KCNH5: variants seen among roughly 807,000 people sequenced by gnomAD.
The protein encoded by KCNH5 is voltage-gated delayed rectifier potassium channel KCNH5.
In KCNH5, 46 loss-of-function variants were observed where a neutral mutation model predicts 96.1. The observed-to-expected ratio is 0.48, with a 90% CI of 0.38 to 0.61. The LOEUF is 0.61. KCNH5 is among the 20% of genes least tolerant of loss of function. KCNH5 has a pLI of 0.00. For synonymous variants in KCNH5, 439 were observed against 449.8 expected (o/e 0.98, Z 0.30); for missense variants, 907 against 1,225.8 (o/e 0.74, Z 3.88).
rs538051994 is a variant in KCNH5, at chr14:62,771,494, A to G, written c.2019+8234T>C. Among the ~76,000 whole-genome samples the G allele has an allele frequency of 5.7e-4, 86 of 152,166 alleles. No individual in the cohort carries two copies. The South Asian group carries it at 0.01, about 18-fold the overall frequency. On this transcript the variant is annotated intron_variant, in intron 10 of 10. Coordinates refer to ENST00000322893, the MANE Select transcript of KCNH5 (RefSeq NM_139318.5). ...CAAAAAATTAGCCGGGCATGGTGGC[A>G]GGCGCCTGTAGTCCCAGCTACTCGG... is the stretch of plus-strand genomic sequence containing the variant.
intron 8 of KCNH5, among the ~76,000 whole-genome samples, chr14:62,843,505 G>A (rs1007679617): frequency 2.0e-5 from 3 of 147,542 alleles, no homozygotes; most frequent in African/African-American, 5.0e-5. Context: ...TCCTCCTCCC[G>A]GGTTCAAGCA....
intron 7 of KCNH5, among the ~76,000 whole-genome samples, chr14:62,881,752 G>T (rs542806272): frequency 6.8e-5 from 10 of 146,852 alleles, no homozygotes; most frequent in African/African-American, 1.9e-4. Flanking sequence ...ATATTTTACA[G>T]ACCCAGACGA....
intron 7 of KCNH5, among the ~76,000 whole-genome samples, chr14:62,871,762 A>G (rs924442466): frequency 1.3e-5 from 2 of 152,234 alleles, no homozygotes; most frequent in Non-Finnish European, 2.9e-5. Flanking sequence ...TTCCATGTGC[A>G]TCAGTGTGTA....
chr14:62,955,551 C>T (rs1380919590), intron 6 of KCNH5, among the ~76,000 whole-genome samples: 1 of 152,198 alleles, frequency 6.6e-6, no homozygotes, highest in East Asian at 1.9e-4. Context: ...GATTCACATT[C>T]AGGCAGTCTG....
chr14:62,877,398 T>C (rs1888396712), intron 7 of KCNH5, among the ~76,000 whole-genome samples: 1 of 151,442 alleles, frequency 6.6e-6, no homozygotes. Flanking sequence ...ACCATCAGAG[T>C]GAACAGGCAA....
chr14:62,959,588 AC>A (rs1890168110), intron 6 of KCNH5, among the ~76,000 whole-genome samples: 1 of 152,114 alleles, frequency 6.6e-6, no homozygotes, highest in Non-Finnish European at 1.5e-5. Context: ...ATATAAAAAA[AC>A]AGATTGTTTG....
At chr14:62,884,140 A>G (rs1408285511) in intron 7 of KCNH5, among the ~76,000 whole-genome samples, 1 of 152,178 alleles carries the variant, frequency 6.6e-6, no homozygotes, top group Admixed American at 6.5e-5. Context: ...TATTTTTCTT[A>G]GTGAAATTAT....
At chr14:63,030,442 C>T (rs1891603853) in intron 1 of KCNH5, among the ~76,000 whole-genome samples, 1 of 152,158 alleles carries the variant, frequency 6.6e-6, no homozygotes, top group Non-Finnish European at 1.5e-5. Context: ...TAAAATAAAA[C>T]AAGCACTTTT....
In KCNH5 at chr14:62,808,196, TA is replaced by T. The variant is rs1886807121; in HGVS notation, c.1570-5616del. On this transcript the variant is annotated intron_variant, in intron 8 of 10. Coordinates refer to ENST00000322893, the MANE Select transcript of KCNH5 (RefSeq NM_139318.5). ...TAAGGAAAGTGGAATGGACTTTTGG[TA>T]AAAGATTCTAAGAAGGCCTGGGAAT... 3.3e-5 allele frequency among the ~76,000 whole-genome samples: 5 copies of T among 152,272 alleles called. No homozygotes were observed. The South Asian group carries it at 1.0e-3, about 32-fold the overall frequency.
intron 7 of KCNH5, among the ~76,000 whole-genome samples, chr14:62,885,087 G>C (rs1316849024): frequency 6.6e-6 from 1 of 152,124 alleles, no homozygotes; most frequent in Non-Finnish European, 1.5e-5. Flanking sequence ...GAGTAAGTTG[G>C]ATAATGATAG....
chr14:62,774,156 CAA>C (rs921939431), intron 10 of KCNH5, among the ~76,000 whole-genome samples: 2 of 152,168 alleles, frequency 1.3e-5, no homozygotes, highest in African/African-American at 4.8e-5. Context: ...CAGGCACAAA[CAA>C]GAGTATGACA....
At chr14:62,889,722 T>C (rs1888666459) in intron 7 of KCNH5, among the ~76,000 whole-genome samples, 1 of 152,212 alleles carries the variant, frequency 6.6e-6, no homozygotes, top group Non-Finnish European at 1.5e-5. Flanking sequence ...CTTGGCTCAT[T>C]AAGTGCCATA....
intron 7 of KCNH5, among the ~76,000 whole-genome samples, chr14:62,873,874 T>C (rs1403423044): frequency 6.6e-6 from 1 of 152,186 alleles, no homozygotes; most frequent in East Asian, 1.9e-4. Context: ...CAATTGATGG[T>C]CCATGCTCCA....
chr14:62,792,836 A>G (rs1486751221), intron 9 of KCNH5, among the ~76,000 whole-genome samples: 1 of 151,772 alleles, frequency 6.6e-6, no homozygotes, highest in African/African-American at 2.4e-5. Flanking sequence ...TCAAAGAGAT[A>G]TCTGTACTCT....
intron 9 of KCNH5, among the ~76,000 whole-genome samples, chr14:62,780,947 C>G (rs953893233): frequency 2.0e-5 from 3 of 152,084 alleles, no homozygotes; most frequent in Non-Finnish European, 1.5e-5. Context: ...TTTCTGCACT[C>G]AAACCACAGA....
At chr14:62,906,087 C>T (rs943951038) in intron 7 of KCNH5, among the ~76,000 whole-genome samples, 2 of 152,206 alleles carry the variant, frequency 1.3e-5, no homozygotes, top group Non-Finnish European at 2.9e-5. Flanking sequence ...AGGGTTTTCT[C>T]AGCATTTTAA....
intron 6 of KCNH5, among the ~76,000 whole-genome samples, chr14:62,951,731 C>A (rs1890009540): frequency 6.6e-6 from 1 of 152,190 alleles, no homozygotes; most frequent in East Asian, 1.9e-4. Context: ...GAAGCCGAGG[C>A]AGGTGGATCA....
chr14:62,861,637 T>TACAC (rs142699720), intron 7 of KCNH5, among the ~76,000 whole-genome samples: 37,513 of 141,586 alleles, frequency 0.26, 5,112 homozygotes, highest in East Asian at 0.49. Context: ...CATCTCCATT[T>TACAC]ACACACACAC....
intron 10 of KCNH5, among the ~76,000 whole-genome samples, chr14:62,721,320 G>C (rs1363590564): frequency 6.6e-6 from 1 of 152,140 alleles, no homozygotes; most frequent in Non-Finnish European, 1.5e-5. Flanking sequence ...GATCAAACTT[G>C]TGGTTTCTTT....
Sources: allele counts gnomAD v4.1 joint callset (sites outside exome capture counted in the v4.1 genomes callset), GRCh38; gene constraint gnomAD v4.1.1; transcripts MANE v1.5; gene names NCBI Gene and HGNC (gene_info 2026-07-23, HGNC 2026-07-21).